PCDHGA8: variants seen among roughly 807,000 people sequenced by gnomAD.
PCDHGA8 encodes the protein protocadherin gamma-A8.
A neutral mutation model predicts 59.2 loss-of-function variants in PCDHGA8; 45 were observed. The observed-to-expected ratio is 0.76, with a 90% confidence interval of 0.60 to 0.98. The LOEUF (loss-of-function observed/expected upper bound fraction) is 0.98, where lower values mean the gene tolerates loss of function less well. Among genes scored for constraint, PCDHGA8 ranks in the 50% least tolerant of loss-of-function variants. PCDHGA8 has a pLI of 0.00. For missense variants in PCDHGA8, 1,257 were observed against 1,196.2 expected, an observed-to-expected ratio of 1.05 and a Z score of -0.75; for synonymous variants, 531 against 519.0, an observed-to-expected ratio of 1.02 and a Z score of -0.32.
chr5:141,461,988 T>A (rs771762127), intron 1 of PCDHGA8, among the ~76,000 whole-genome samples: 1 of 152,170 alleles, frequency 6.6e-6, no homozygotes, highest in Non-Finnish European at 1.5e-5. Flanking sequence ...CACGCCAGGC[T>A]AATTTTGTAT....
At position 141,394,458 on chromosome 5, in the gene PCDHGA8, A is replaced by G. The variant is rs776488659; in HGVS notation, c.1645A>G (p.Ser549Gly). ...GCCCCTCAGCAGCAACATGTCACTG[A>G]GCCTGTTCGTGCTGGACCAGAATGA... ...DPPLSSNMSLSLFVLDQNDNA... is the reference protein window; with the variant it reads ...DPPLSSNMSLGLFVLDQNDNA... The change falls in exon 1 of 4, where the codon AGC becomes GGC. Residue 549 changes from serine to glycine, a missense_variant. By Grantham distance (56) the Ser-to-Gly change is moderately conservative. Coordinates refer to ENST00000398604, the MANE Select transcript of PCDHGA8 (RefSeq NM_032088.2). 1 of 1,614,218 alleles carries G rather than the reference A, an allele frequency of 6.2e-7. No individual in the cohort carries two copies. Among genetic ancestry groups the G allele is most frequent in the South Asian group, 1.1e-5 (1 of 91,088 alleles).
At chr5:141,422,911 G>A (rs375046528) in intron 1 of PCDHGA8, 5 of 1,614,118 alleles carry the variant, frequency 3.1e-6, no homozygotes, top group African/African-American at 2.7e-5. Flanking sequence ...CAATGCGCCC[G>A]AGATCCTGTA....
Position 141,394,201 on chromosome 5 carries a change from A to G in PCDHGA8, c.1388A>G (p.Glu463Gly), listed in dbSNP as rs764975219. 2.5e-6 allele frequency: 4 copies of G among 1,613,874 alleles called. No individual in the cohort carries two copies. The highest frequency in any genetic ancestry group is 1.7e-5 in the Admixed American group (1 of 60,020). Reference protein sequence around the residue: ...PHASYSAYILENNLRGASIFS... With the variant: ...PHASYSAYILGNNLRGASIFS... ...GCCTCCTACTCAGCGTATATCCTAG[A>G]GAACAACCTGAGAGGAGCCTCCATC... Residue 463 changes from glutamate (E) to glycine (G), a missense_variant, in exon 1 of 4, where the codon GAG becomes GGG. Physicochemically the swap from Glu to Gly is moderately conservative, Grantham distance 98. Coordinates refer to ENST00000398604, the MANE Select transcript of PCDHGA8 (RefSeq NM_032088.2).
At chr5:141,478,500 T>C (rs754881921) in intron 1 of PCDHGA8, 16 of 1,612,740 alleles carry the variant, frequency 9.9e-6, no homozygotes, top group Non-Finnish European at 1.4e-5. Context: ...TGTGATCCGG[T>C]GTTCTATAGG....
chr5:141,420,187 C>G (rs1369031488), intron 1 of PCDHGA8: 1 of 1,613,706 alleles, frequency 6.2e-7, no homozygotes, highest in East Asian at 2.2e-5. Context: ...ATTGTCCAGC[C>G]ACACAAGATA....
At chr5:141,470,236 T>C (rs1232874196) in intron 1 of PCDHGA8, among the ~76,000 whole-genome samples, 1 of 152,210 alleles carries the variant, frequency 6.6e-6, no homozygotes, top group African/African-American at 2.4e-5. Context: ...ACCAAACCCT[T>C]GAATGTCCCA....
chr5:141,494,153 G>T (rs2099752286), intron 1 of PCDHGA8, among the ~76,000 whole-genome samples: 1 of 152,186 alleles, frequency 6.6e-6, no homozygotes, highest in Non-Finnish European at 1.5e-5. Flanking sequence ...CCATTGTCTG[G>T]CACGGAGTTC....
chr5:141,490,257 T>C lies in PCDHGA8; in HGVS notation c.2425-4550T>C, dbSNP rs2099697852. On this transcript the variant is annotated intron_variant, in intron 1 of 3. Coordinates refer to ENST00000398604, the MANE Select transcript of PCDHGA8 (RefSeq NM_032088.2). The surrounding 1 kb of genome is among the most constrained non-coding windows in gnomAD (Gnocchi z 5.4). ...AGGGCCACTGTGTGATTCAAGTGGATGTGGGGGATGTCAATGACAATGCCC... is the reference window on the plus strand; with the variant it reads ...AGGGCCACTGTGTGATTCAAGTGGACGTGGGGGATGTCAATGACAATGCCC... The C allele has an allele frequency of 6.2e-7, 1 of 1,614,208 alleles. No individual in the cohort carries two copies. Among genetic ancestry groups the C allele is most frequent in the South Asian group, 1.1e-5 (1 of 91,078 alleles).
intron 1 of PCDHGA8, chr5:141,421,219 G>T (rs894586889): frequency 1.0e-5 from 16 of 1,573,208 alleles, no homozygotes; most frequent in Non-Finnish European, 1.3e-5. Context: ...TATCGGCTTA[G>T]AGCCTGCCAT....
intron 3 of PCDHGA8, among the ~76,000 whole-genome samples, chr5:141,509,732 C>T (rs931066969): frequency 3.9e-5 from 6 of 152,182 alleles, no homozygotes; most frequent in Non-Finnish European, 5.9e-5. Flanking sequence ...CTAGCTGTGG[C>T]ACTCTGAGCC....
rs1228831823 is a variant in PCDHGA8, at chr5:141,487,778, T to C, written c.2425-7029T>C. ...GGTAGACGCTGTGCTTTGTAACTGT[T>C]TCGTGAATTAACCAGAGTTGTCACA... On this transcript the variant is annotated intron_variant, in intron 1 of 3. Coordinates refer to ENST00000398604, the MANE Select transcript of PCDHGA8 (RefSeq NM_032088.2). The surrounding 1 kb of genome is among the most constrained non-coding windows in gnomAD (Gnocchi z 5.0). The C allele has an allele frequency of 6.5e-7, 1 of 1,531,514 alleles. No individual in the cohort carries two copies. The highest frequency in any genetic ancestry group is 2.0e-5 in the Admixed American group (1 of 49,632). 94.9% of individuals were successfully genotyped at this position (1,531,514 alleles called of 1,614,324 possible).
At chr5:141,495,073 C>T (rs1464039604) in intron 2 of PCDHGA8, among the ~76,000 whole-genome samples, 1 of 152,186 alleles carries the variant, frequency 6.6e-6, no homozygotes, top group Non-Finnish European at 1.5e-5. Flanking sequence ...GCTCAATTCA[C>T]ATGCTTGCCC....
intron 1 of PCDHGA8, chr5:141,399,738 G>T: frequency 1.2e-6 from 2 of 1,613,268 alleles, no homozygotes; most frequent in South Asian, 2.2e-5. Flanking sequence ...GCTCGCCTGC[G>T]CTCAGCGCAA....
intron 1 of PCDHGA8, chr5:141,412,700 G>C (rs537095191): frequency 6.6e-6 from 1 of 152,574 alleles, no homozygotes; most frequent in South Asian, 2.1e-4. Flanking sequence ...TTTTATTAAA[G>C]TGTGTACATT....
At chr5:141,408,302 C>G (rs1017556555) in intron 1 of PCDHGA8, 1 of 1,613,662 alleles carries the variant, frequency 6.2e-7, no homozygotes. Flanking sequence ...TGAGCCGATC[C>G]GCTACTCGAT....
intron 1 of PCDHGA8, chr5:141,415,739 G>GGT (rs2095908308): frequency 2.3e-6 from 1 of 434,538 alleles, no homozygotes; most frequent in East Asian, 5.9e-5. Context: ...TGTTTATTAA[G>GGT]GTTTTTTTTT....
chr5:141,456,043 G>A (rs62379189), intron 1 of PCDHGA8, among the ~76,000 whole-genome samples: 6,917 of 151,746 alleles, frequency 0.046, 202 homozygotes, highest in Middle Eastern at 0.086. Flanking sequence ...GACTACAGGC[G>A]CCCACCACCA....
chr5:141,463,747 G>A (rs994400482), intron 1 of PCDHGA8, among the ~76,000 whole-genome samples: 13 of 152,082 alleles, frequency 8.5e-5, no homozygotes, highest in Middle Eastern at 3.4e-3. Context: ...CGCCCGGCCT[G>A]CTTCTCTTCT....
chr5:141,464,310 A>T lies in PCDHGA8; in HGVS notation c.2425-30497A>T, dbSNP rs1327900308. ...AAAAAACTCCATTGTATGTGCACAT[A>T]TCATTATCTGTTCAACCCATCTATG... On this transcript the variant is annotated intron_variant, in intron 1 of 3. Coordinates refer to ENST00000398604, the MANE Select transcript of PCDHGA8 (RefSeq NM_032088.2). 2.0e-5 allele frequency among the ~76,000 whole-genome samples: 3 copies of T among 151,494 alleles called. No homozygotes were observed. The East Asian group carries it at 5.8e-4, about 29-fold the overall frequency.
Sources: allele counts gnomAD v4.1 joint callset (sites outside exome capture counted in the v4.1 genomes callset), GRCh38; gene constraint gnomAD v4.1.1; non-coding constraint Gnocchi (gnomAD v3.1); transcripts MANE v1.5; gene names NCBI Gene and HGNC (gene_info 2026-07-23, HGNC 2026-07-21).